Variants in SPTBN1 observed in about 807,000 individuals in gnomAD.
The protein encoded by SPTBN1 is spectrin beta chain, non-erythrocytic 1.
SPTBN1 carries 32 observed loss-of-function variants against 266.4 expected under a neutral mutation model. The observed-to-expected ratio is 0.12, with a 90% CI of 0.09 to 0.16. The LOEUF (loss-of-function observed/expected upper bound fraction) is 0.16, where lower values mean the gene tolerates loss of function less well. Among genes scored for constraint, SPTBN1 ranks in the 10% least tolerant of loss-of-function variants. The probability of loss-of-function intolerance (pLI) is 1.00; values close to 1 mark genes in which losing one functional copy is unlikely to be tolerated. For missense variants in SPTBN1, 2,296 were observed against 3,067.1 expected (o/e 0.75, Z 5.94); for synonymous variants, 1,336 against 1,162.2 (o/e 1.15, Z -3.04).
intron 34 of SPTBN1, among the ~76,000 whole-genome samples, chr2:54,666,785 T>A (rs537058021): frequency 1.3e-5 from 2 of 152,350 alleles, no homozygotes; most frequent in African/African-American, 4.8e-5. Context: ...GCTTTGGTCT[T>A]CCATTTATTT....
At chr2:54,522,730 AAG>A (rs1431450367) in intron 1 of SPTBN1, among the ~76,000 whole-genome samples, 1 of 151,498 alleles carries the variant, frequency 6.6e-6, no homozygotes, top group African/African-American at 2.4e-5. Context: ...GAAAGAAAGA[AAG>A]AAATCTGTGG....
intron 2 of SPTBN1, among the ~76,000 whole-genome samples, chr2:54,529,028 T>C (rs924712598): frequency 6.6e-6 from 1 of 152,226 alleles, no homozygotes; most frequent in African/African-American, 2.4e-5. Flanking sequence ...AAAAACTATA[T>C]GCTGATAGCA....
At chr2:54,490,820 A>G (rs1668647278) in intron 1 of SPTBN1, among the ~76,000 whole-genome samples, 1 of 152,152 alleles carries the variant, frequency 6.6e-6, no homozygotes, top group Non-Finnish European at 1.5e-5. Flanking sequence ...AGTCCCACGC[A>G]GGGGAACAGC....
At chr2:54,471,800 A>ATTTTTTTTTTTTTTTTT (rs56043354) in intron 1 of SPTBN1, among the ~76,000 whole-genome samples, 12 of 102,714 alleles carry the variant, frequency 1.2e-4, no homozygotes, top group Non-Finnish European at 1.7e-4. Flanking sequence ...TTTTTTATCG[A>ATTTTTTTTTTTTTTTTT]TTTTTTTTTT....
chr2:54,639,650 C>T (rs982256362), intron 18 of SPTBN1, among the ~76,000 whole-genome samples: 2 of 152,208 alleles, frequency 1.3e-5, no homozygotes, highest in East Asian at 1.9e-4. Context: ...GATAAAGTTA[C>T]GGTTCTTCCC....
chr2:54,475,771 T>C (rs1667795086), intron 1 of SPTBN1, among the ~76,000 whole-genome samples: 2 of 152,238 alleles, frequency 1.3e-5, no homozygotes. Flanking sequence ...GGCACATGAC[T>C]GTTATTAACA....
intron 1 of SPTBN1, among the ~76,000 whole-genome samples, chr2:54,480,753 G>C (rs1668052773): frequency 6.6e-6 from 1 of 152,204 alleles, no homozygotes; most frequent in Non-Finnish European, 1.5e-5. Context: ...AATTCAGTCT[G>C]GTTTGCCACA....
chr2:54,638,786 G>C (rs1199455970), intron 18 of SPTBN1, among the ~76,000 whole-genome samples: 1 of 151,714 alleles, frequency 6.6e-6, no homozygotes, highest in African/African-American at 2.4e-5. Context: ...GGGGCTAAGA[G>C]TATGGGGGTA....
chr2:54,669,573 G>C lies in SPTBN1; in HGVS notation c.*1004G>C, dbSNP rs1377368322. ...ACTCCAGAGGCTGGGCCTGAACAGG[G>C]AGGTGGTCGCTCAGGCCTGGTGCTC... On this transcript the variant is annotated 3_prime_UTR_variant, in exon 36 of 36. Transcript: ENST00000356805. 2 of 152,644 alleles carry C rather than the reference G, an allele frequency of 1.3e-5. No individual in the cohort carries two copies. The highest frequency in any genetic ancestry group is 2.4e-5 in the African/African-American group (1 of 41,446). 9.5% of individuals were successfully genotyped at this position (152,644 alleles called of 1,614,324 possible).
chr2:54,532,238 G>A (rs562755438), intron 2 of SPTBN1, among the ~76,000 whole-genome samples: 1 of 152,220 alleles, frequency 6.6e-6, no homozygotes, highest in Non-Finnish European at 1.5e-5. Flanking sequence ...GCAGTGAGCC[G>A]AGATCACGCC....
At position 54,655,079 on chromosome 2, in the gene SPTBN1, A is replaced by G. The variant is rs1231103930; in HGVS notation, c.5832A>G (p.Ser1944=). ...GTTTGTCTAATTTTAGGGATGTATCATCTGTTGAACTCTTAATGAATAATC... is the reference window on the plus strand; with the variant it reads ...GTTTGTCTAATTTTAGGGATGTATCGTCTGTTGAACTCTTAATGAATAATC... ...IEAQEKPRDV[S]SVELLMNNHQ... The change falls in exon 28 of 36, where the codon TCA becomes TCG. Residue 1944 remains serine (S), a synonymous_variant. Transcript: ENST00000356805. 3 of 1,612,658 alleles carry G rather than the reference A, an allele frequency of 1.9e-6. No individual in the cohort carries two copies. The highest frequency in any genetic ancestry group is 1.3e-5 in the African/African-American group (1 of 75,060).
chr2:54,646,041 T>A lies in SPTBN1; in HGVS notation c.4584+24T>A. ...AGGTAAGCCTTTCTGCTCGAGCTAG[T>A]TCTGTCTGATAAATAATTGCTCTAA... On this transcript the variant is annotated intron_variant, in intron 22 of 35. Transcript: ENST00000356805. The surrounding 1 kb of genome is among the most constrained non-coding windows in gnomAD (Gnocchi z 4.4). 3 of 1,614,008 alleles carry A rather than the reference T, an allele frequency of 1.9e-6. No individual in the cohort carries two copies. The highest frequency in any genetic ancestry group is 1.6e-4 in the Middle Eastern group (1 of 6,062).
chr2:54,577,287 A>T (rs979570234), intron 2 of SPTBN1, among the ~76,000 whole-genome samples: 1 of 152,176 alleles, frequency 6.6e-6, no homozygotes, highest in Non-Finnish European at 1.5e-5. Flanking sequence ...AAATAAATGC[A>T]TGGCCGTTTA....
intron 2 of SPTBN1, among the ~76,000 whole-genome samples, chr2:54,572,547 A>G (rs1674163048): frequency 6.6e-6 from 1 of 152,220 alleles, no homozygotes; most frequent in Non-Finnish European, 1.5e-5. Context: ...CGAATGTGCA[A>G]ACTTGGTCTT....
chr2:54,574,361 C>G (rs547525532), intron 2 of SPTBN1, among the ~76,000 whole-genome samples: 1 of 152,136 alleles, frequency 6.6e-6, no homozygotes, highest in Non-Finnish European at 1.5e-5. Context: ...ACTGCTTCTC[C>G]GAGATAGTTA....
intron 1 of SPTBN1, among the ~76,000 whole-genome samples, chr2:54,511,732 T>C (rs1221704523): frequency 1.3e-5 from 2 of 151,922 alleles, no homozygotes; most frequent in African/African-American, 4.8e-5. Flanking sequence ...GGTGTGGTGG[T>C]GGCGCATGTC....
intron 1 of SPTBN1, among the ~76,000 whole-genome samples, chr2:54,518,288 A>T (rs924404063): frequency 6.7e-6 from 1 of 148,928 alleles, no homozygotes; most frequent in African/African-American, 2.6e-5. Context: ...GGAACATCAC[A>T]CACCGGGGCC....
chr2:54,513,720 A>G (rs1459289106), intron 1 of SPTBN1, among the ~76,000 whole-genome samples: 1 of 152,226 alleles, frequency 6.6e-6, no homozygotes, highest in African/African-American at 2.4e-5. Context: ...GTCAACCAGA[A>G]GACATCAGTT....
rs771430579 is a variant in SPTBN1, at chr2:54,624,974, G to C, written c.1341+12G>C. On this transcript the variant is annotated intron_variant, in intron 11 of 35. Coordinates refer to ENST00000356805, the MANE Select transcript of SPTBN1 (RefSeq NM_003128.3). Reference sequence around the variant, plus strand: ...GTCTGGTGTCTCAGGTTCTGCTCTTGACATTATTAAAAAGACTGTTGCTAG... The same window carrying C: ...GTCTGGTGTCTCAGGTTCTGCTCTTCACATTATTAAAAAGACTGTTGCTAG... The C allele has an allele frequency of 2.3e-5, 36 of 1,572,180 alleles. No individual in the cohort carries two copies. The South Asian group carries it at 4.2e-4, about 18-fold the overall frequency.
Sources: gnomAD v4.1 joint callset for allele counts (sites outside exome capture counted in the v4.1 genomes callset) on GRCh38, gnomAD v4.1.1 for gene constraint, Gnocchi (gnomAD v3.1) non-coding constraint, MANE v1.5 for transcripts, NCBI Gene and HGNC (gene_info 2026-07-23, HGNC 2026-07-21) for gene names.